Variants in DTWD2 observed in about 807,000 individuals in gnomAD.
DTWD2 encodes DTW motif tRNA-uridine aminocarboxypropyltransferase 2, also known as tRNA-uridine aminocarboxypropyltransferase 2.
Under a neutral mutation model 31.8 loss-of-function variants are expected in DTWD2, and 39 were observed. The observed-to-expected ratio is 1.22, with a 90% CI of 0.95 to 1.60. DTWD2 has a LOEUF of 1.60. Among genes scored for constraint, DTWD2 ranks in the 40% most tolerant of loss-of-function variants. The pLI, the probability that DTWD2 is intolerant of heterozygous loss-of-function variation, is 0.00. For missense variants in DTWD2, 515 were observed against 381.5 expected, an observed-to-expected ratio of 1.35 and a Z score of -2.92; for synonymous variants, 180 against 142.8, an observed-to-expected ratio of 1.26 and a Z score of -1.86.
intron 4 of DTWD2, among the ~76,000 whole-genome samples, chr5:118,907,014 G>A (rs1429027737): frequency 6.6e-6 from 1 of 152,086 alleles, no homozygotes; most frequent in African/African-American, 2.4e-5. Context: ...AATGAGACTG[G>A]GAACATGATG....
intron 4 of DTWD2, among the ~76,000 whole-genome samples, chr5:118,890,509 A>G (rs1221633596): frequency 7.6e-6 from 1 of 132,060 alleles, no homozygotes; most frequent in African/African-American, 2.9e-5. Context: ...AAATTTCTCT[A>G]TTTCAGAAGT....
chr5:118,925,173 C>T (rs1455797389), intron 4 of DTWD2, among the ~76,000 whole-genome samples: 2 of 152,048 alleles, frequency 1.3e-5, no homozygotes, highest in Non-Finnish European at 2.9e-5. Context: ...GCAGATAACA[C>T]AAAAACTACT....
intron 2 of DTWD2, among the ~76,000 whole-genome samples, chr5:118,940,531 A>G (rs2149584509): frequency 6.6e-6 from 1 of 152,318 alleles, no homozygotes; most frequent in Middle Eastern, 3.4e-3. Context: ...ATAACCATAC[A>G]ATATATGTTG....
intron 5 of DTWD2, among the ~76,000 whole-genome samples, chr5:118,843,146 G>A (rs1010769242): frequency 7.9e-5 from 12 of 151,674 alleles, no homozygotes; most frequent in African/African-American, 2.7e-4. Context: ...TAGTAGAGAC[G>A]GGGTTTCACC....
At position 118,928,637 on chromosome 5, in the gene DTWD2, T is replaced by C. The variant is rs749549199; in HGVS notation, c.497A>G (p.Asp166Gly). 1 of 1,603,008 alleles carries C rather than the reference T, an allele frequency of 6.2e-7. No individual in the cohort carries two copies. The highest frequency in any genetic ancestry group is 1.7e-5 in the Admixed American group (1 of 59,586). The change falls in exon 4 of 6, where the codon GAT (aspartate) becomes GGT (glycine). Residue 166 changes from aspartate to glycine, a missense_variant. By Grantham distance (94) the Asp-to-Gly change is moderately conservative (BLOSUM62 -1). Coordinates refer to ENST00000510708, the MANE Select transcript of DTWD2 (RefSeq NM_173666.4). ...EAANLEEFIL[D>G]SPVYPSTIII... is the part of the protein sequence containing the mutation. ...GATTGTAGAAGGATAAACAGGAGAA[T>C]CTAATATAAATTCTTCCAAATTAGC...
At chr5:118,967,431 C>G (rs1022091842) in intron 1 of DTWD2, among the ~76,000 whole-genome samples, 13 of 152,244 alleles carry the variant, frequency 8.5e-5, no homozygotes, top group African/African-American at 2.9e-4. Context: ...TTACAATAAA[C>G]CAGGGCTTCC....
At chr5:118,978,512 A>C (rs1755217539) in intron 1 of DTWD2, among the ~76,000 whole-genome samples, 1 of 152,228 alleles carries the variant, frequency 6.6e-6, no homozygotes, top group South Asian at 2.1e-4. Flanking sequence ...TCCACAAGGA[A>C]TTTTAAATAA....
chr5:118,918,473 GAA>G (rs1554066863), intron 4 of DTWD2, among the ~76,000 whole-genome samples: 3 of 83,252 alleles, frequency 3.6e-5, no homozygotes, highest in Non-Finnish European at 4.6e-5. Flanking sequence ...CGTCTCAAGA[GAA>G]AAAAAAAAAA....
At chr5:118,869,853 A>T (rs1444037812) in intron 4 of DTWD2, among the ~76,000 whole-genome samples, 1 of 152,088 alleles carries the variant, frequency 6.6e-6, no homozygotes, top group Non-Finnish European at 1.5e-5. Context: ...CTCATGCTCC[A>T]ATGTTGGAGG....
intron 3 of DTWD2, among the ~76,000 whole-genome samples, chr5:118,930,175 A>C (rs1475793670): frequency 6.6e-6 from 1 of 152,186 alleles, no homozygotes; most frequent in African/African-American, 2.4e-5. Context: ...GCAGACCTTC[A>C]GAGGGTGAAG....
chr5:118,932,309 T>C (rs1242857937), intron 3 of DTWD2, among the ~76,000 whole-genome samples: 1 of 147,826 alleles, frequency 6.8e-6, no homozygotes, highest in Non-Finnish European at 1.5e-5. Context: ...AGACTCTGTC[T>C]TGACAAAAAA....
intron 4 of DTWD2, among the ~76,000 whole-genome samples, chr5:118,922,787 C>T (rs1311026354): frequency 6.6e-6 from 1 of 152,170 alleles, no homozygotes; most frequent in Non-Finnish European, 1.5e-5. Context: ...CAACAGCCCA[C>T]GTCCTCTGAG....
chr5:118,972,042 G>GT (rs1214956063), intron 1 of DTWD2, among the ~76,000 whole-genome samples: 2 of 151,858 alleles, frequency 1.3e-5, no homozygotes, highest in East Asian at 3.9e-4. Context: ...ATCAACAACC[G>GT]AACATCACAA....
intron 2 of DTWD2, among the ~76,000 whole-genome samples, 184 bp from the exon 3 acceptor site, chr5:118,939,474 C>G (rs1459399546): frequency 6.6e-6 from 1 of 152,076 alleles, no homozygotes; most frequent in African/African-American, 2.4e-5. Context: ...ATAACACAAG[C>G]ATACATTTTT....
chr5:118,837,732 T>A lies in DTWD2; in HGVS notation c.*3185A>T, dbSNP rs762178124. The A allele has an allele frequency of 6.6e-6, 1 of 151,874 alleles. No homozygotes were observed. The highest frequency in any genetic ancestry group is 1.5e-5 in the Non-Finnish European group (1 of 68,010). 9.4% of individuals were successfully genotyped at this position (151,874 alleles called of 1,614,324 possible). On this transcript the variant is annotated 3_prime_UTR_variant, in exon 6 of 6. Coordinates refer to ENST00000510708, the MANE Select transcript of DTWD2 (RefSeq NM_173666.4). ...CCTAAACAACACAGCAAGACCCCCA[T>A]CTCCACAAAAATTAAATGAAATTAG...
chr5:118,973,758 T>A, intron 1 of DTWD2: 2 of 1,609,624 alleles, frequency 1.2e-6, no homozygotes, highest in Non-Finnish European at 1.7e-6. Flanking sequence ...CTCGCTTTCT[T>A]TTTAATCGCC....
At chr5:118,909,453 A>C (rs1319741485) in intron 4 of DTWD2, among the ~76,000 whole-genome samples, 1 of 152,152 alleles carries the variant, frequency 6.6e-6, no homozygotes, top group Non-Finnish European at 1.5e-5. Flanking sequence ...TTTACTAACA[A>C]GGGCCTACCA....
intron 1 of DTWD2, among the ~76,000 whole-genome samples, chr5:118,979,924 C>T (rs1755261726): frequency 6.6e-6 from 1 of 152,204 alleles, no homozygotes; most frequent in African/African-American, 2.4e-5. Context: ...ATGGGTTGAT[C>T]TGTGCAGCAA....
At chr5:118,981,317 T>A (rs1186847813) in intron 1 of DTWD2, among the ~76,000 whole-genome samples, 1 of 152,152 alleles carries the variant, frequency 6.6e-6, no homozygotes. Flanking sequence ...CACTAAACTG[T>A]ACACTTAAAT....
Sources: allele counts gnomAD v4.1 joint callset (sites outside exome capture counted in the v4.1 genomes callset), GRCh38; gene constraint gnomAD v4.1.1; transcripts MANE v1.5; gene names NCBI Gene and HGNC (gene_info 2026-07-23, HGNC 2026-07-21).